The following TPRX1 variants were observed in gnomAD, a reference collection of about 807,000 sequenced individuals.
The protein encoded by TPRX1 is tetra-peptide repeat homeobox protein 1.
A neutral mutation model predicts 8.1 loss-of-function variants in TPRX1; 2 were observed. That is an observed-to-expected ratio of 0.25 (90% CI 0.10 to 0.78). The LOEUF is 0.78. Ranked by LOEUF, TPRX1 falls within the 30% of genes least tolerant of loss-of-function variation. TPRX1 has a pLI of 0.70. For missense variants in TPRX1, 517 were observed against 586.9 expected, an observed-to-expected ratio of 0.88 and a Z score of 1.23; for synonymous variants, 257 against 254.1, an observed-to-expected ratio of 1.01 and a Z score of -0.11.
At chr19:47,814,613 G>T (rs924265970) in intron 2 of TPRX1, among the ~76,000 whole-genome samples, 1 of 151,982 alleles carries the variant, frequency 6.6e-6, no homozygotes, top group Non-Finnish European at 1.5e-5. Context: ...AAGCATGGGG[G>T]TCTGGAGGTG....
rs11878723 is a variant in TPRX1, at chr19:47,803,068, C to T, written c.322-88G>A. On this transcript the variant is annotated intron_variant, in intron 3 of 3. Coordinates refer to ENST00000535759, the Ensembl canonical transcript of TPRX1. ...TTTGGGGTCGGGGCCAGCCTGAAGC[C>T]TCTCCCTGTGCTCAACAGCCCCCCA... The T allele has an allele frequency of 8.4e-3, 11,927 of 1,427,776 alleles. 789 individuals carry two copies. In the African/African-American group the frequency reaches 0.14, roughly 17 times the overall value. 88.4% of individuals were successfully genotyped at this position (1,427,776 alleles called of 1,614,324 possible).
intron 2 of TPRX1, among the ~76,000 whole-genome samples, chr19:47,810,730 C>A (rs1967775263): frequency 6.6e-6 from 1 of 152,016 alleles, no homozygotes; most frequent in South Asian, 2.1e-4. Context: ...TTGCTCCTGC[C>A]CCCAAGAGGC....
chr19:47,816,626 A>G lies in TPRX1; in HGVS notation c.151+1842T>C, dbSNP rs375715070. Among the ~76,000 whole-genome samples, 118 of 142,276 alleles carry G rather than the reference A, an allele frequency of 8.3e-4. 1 individual carries two copies. Among genetic ancestry groups the G allele is most frequent in the African/African-American group, 2.8e-3 (105 of 37,998 alleles). 93.3% of individuals were successfully genotyped at this position (142,276 alleles called of 152,430 possible). ...CGGCTCACTGCAAGCAACGCCTCCCAGGTTCATGCCATTCTCCTACCTCAG... is the reference window on the plus strand; with the variant it reads ...CGGCTCACTGCAAGCAACGCCTCCCGGGTTCATGCCATTCTCCTACCTCAG... On this transcript the variant is annotated intron_variant, in intron 2 of 3. Transcript: ENST00000535759.
At chr19:47,813,284 C>G (rs1599955903) in intron 2 of TPRX1, among the ~76,000 whole-genome samples, 1 of 151,658 alleles carries the variant, frequency 6.6e-6, no homozygotes. Context: ...CAGTGATTCC[C>G]CGACCTGCAC....
chr19:47,817,097 C>G (rs943251115), intron 2 of TPRX1, among the ~76,000 whole-genome samples: 1 of 152,176 alleles, frequency 6.6e-6, no homozygotes, highest in Admixed American at 6.6e-5. Context: ...CAGGTTCCCA[C>G]CTGAGCAGTT....
chr19:47,808,269 G>GCCC (rs1391785419), intron 2 of TPRX1, among the ~76,000 whole-genome samples: 2 of 151,734 alleles, frequency 1.3e-5, no homozygotes, highest in African/African-American at 4.8e-5. Context: ...CACCCACCAT[G>GCCC]ATGTCTGGCT....
intron 2 of TPRX1, among the ~76,000 whole-genome samples, chr19:47,805,466 C>T (rs999130505): frequency 6.6e-6 from 1 of 152,184 alleles, no homozygotes; most frequent in Admixed American, 6.5e-5. Flanking sequence ...GATGCGTCTT[C>T]TCTGTCAGAC....
rs1219814600 is a variant in TPRX1, at chr19:47,815,116, A to T, written c.151+3352T>A. Reference sequence around the variant, plus strand: ...GCTTAGCTCAATAAATAGATAAATTATATATATATATATATATATATATAT... The same window carrying T: ...GCTTAGCTCAATAAATAGATAAATTTTATATATATATATATATATATATAT... On this transcript the variant is annotated intron_variant, in intron 2 of 3. Transcript: ENST00000535759. Among the ~76,000 whole-genome samples the T allele has an allele frequency of 8.8e-3, 631 of 71,666 alleles. 11 individuals carry two copies. Among genetic ancestry groups the T allele is most frequent in the African/African-American group, 0.035 (572 of 16,162 alleles). 47.0% of individuals were successfully genotyped at this position (71,666 alleles called of 152,430 possible). A position where few individuals can be genotyped will look rare whatever the true frequency, so the allele number is the denominator to read the frequency against.
At chr19:47,804,428 C>T (rs4047205) in intron 2 of TPRX1, among the ~76,000 whole-genome samples, 87 bp downstream of exon 1, 39,014 of 150,954 alleles carry the variant, frequency 0.26, 4,641 homozygotes, top group Middle Eastern at 0.34. Flanking sequence ...CGCACAGGCC[C>T]AGCCCTTCTC....
chr19:47,803,054 G>C (rs1967696995), intron 3 of TPRX1, 74 bp from the exon 3 acceptor site: 1 of 1,459,636 alleles, frequency 6.9e-7, no homozygotes, highest in Non-Finnish European at 9.0e-7. Context: ...TTGGGGTCGG[G>C]GCCAGCCTGA....
At chr19:47,811,421 G>A (rs1417697739) in intron 2 of TPRX1, among the ~76,000 whole-genome samples, 1 of 151,828 alleles carries the variant, frequency 6.6e-6, no homozygotes, top group Non-Finnish European at 1.5e-5. Context: ...TGTGAGCAGA[G>A]CCTTGTGGGA....
intron 2 of TPRX1, among the ~76,000 whole-genome samples, chr19:47,813,036 G>T (rs1315958829): frequency 1.3e-5 from 2 of 151,834 alleles, no homozygotes; most frequent in Non-Finnish European, 2.9e-5. Context: ...GAACCCAGGA[G>T]GTGGAGGTTA....
chr19:47,818,290 C>T (rs563298385), intron 2 of TPRX1, among the ~76,000 whole-genome samples: 2 of 136,876 alleles, frequency 1.5e-5, no homozygotes, highest in African/African-American at 6.9e-5. Context: ...ACCCATCCAT[C>T]CATCCATCCA....
At chr19:47,807,887 CTG>C (rs910327017) in intron 2 of TPRX1, among the ~76,000 whole-genome samples, 3 of 151,874 alleles carry the variant, frequency 2.0e-5, no homozygotes, top group African/African-American at 7.3e-5. Context: ...GAAATTGACT[CTG>C]TGACATCTAT....
In TPRX1 at chr19:47,812,845, C is replaced by T. The variant is rs1057448150; in HGVS notation, c.151+5623G>A. Reference sequence around the variant, plus strand: ...AAAAGCCTGGGCCTGGTGGCTCACGCCTGTAATCCTAGCGCTTTGGGAGGC... The same window carrying T: ...AAAAGCCTGGGCCTGGTGGCTCACGTCTGTAATCCTAGCGCTTTGGGAGGC... On this transcript the variant is annotated intron_variant, in intron 2 of 3. Transcript: ENST00000535759. Among the ~76,000 whole-genome samples, 3 of 152,050 alleles carry T rather than the reference C, an allele frequency of 2.0e-5. No homozygotes were observed. In the East Asian group the frequency reaches 5.8e-4, roughly 29 times the overall value.
chr19:47,811,786 C>T (rs892119250), intron 2 of TPRX1, among the ~76,000 whole-genome samples: 7 of 152,144 alleles, frequency 4.6e-5, no homozygotes, highest in South Asian at 2.1e-4. Context: ...CGTGAGCCAC[C>T]GCGCCCGGCT....
chr19:47,805,039 C>G (rs1349950406), intron 2 of TPRX1, among the ~76,000 whole-genome samples: 1 of 152,238 alleles, frequency 6.6e-6, no homozygotes, highest in African/African-American at 2.4e-5. Context: ...GCAACCTCCT[C>G]TTTGGTACCT....
chr19:47,806,012 G>C (rs1284095470), intron 2 of TPRX1, among the ~76,000 whole-genome samples: 2 of 151,868 alleles, frequency 1.3e-5, no homozygotes, highest in Non-Finnish European at 2.9e-5. Context: ...ATCACCTGAG[G>C]TCAGGAGTTT....
intron 2 of TPRX1, among the ~76,000 whole-genome samples, chr19:47,805,625 C>T (rs1341164091): frequency 2.6e-5 from 4 of 152,150 alleles, no homozygotes; most frequent in Non-Finnish European, 5.9e-5. Flanking sequence ...CCACGGGCCT[C>T]GCTCATTGTT....
Sources: gnomAD v4.1 joint callset for allele counts (sites outside exome capture counted in the v4.1 genomes callset) on GRCh38, gnomAD v4.1.1 for gene constraint, MANE v1.5 for transcripts, NCBI Gene and HGNC (gene_info 2026-07-23, HGNC 2026-07-21) for gene names.